KLHDC10: variants seen among roughly 807,000 people sequenced by gnomAD.
KLHDC10 encodes kelch domain containing 10.
Under a neutral mutation model 56.1 loss-of-function variants are expected in KLHDC10, and 24 were observed. The observed-to-expected ratio is 0.43, with a 90% CI of 0.31 to 0.60. KLHDC10 has a LOEUF of 0.60. Among genes scored for constraint, KLHDC10 ranks in the 20% least tolerant of loss-of-function variants. KLHDC10 has a pLI of 0.11. For synonymous variants in KLHDC10, 188 were observed against 207.1 expected, an observed-to-expected ratio of 0.91 and a Z score of 0.79; for missense variants, 349 against 567.0, an observed-to-expected ratio of 0.62 and a Z score of 3.91.
chr7:130,090,496 G>A (rs994975452), intron 1 of KLHDC10, among the ~76,000 whole-genome samples: 1 of 151,906 alleles, frequency 6.6e-6, no homozygotes, highest in Non-Finnish European at 1.5e-5. Context: ...GCTGAGGTAG[G>A]AGGATCGCCT....
chr7:130,089,229 C>T (rs898588518), intron 1 of KLHDC10, among the ~76,000 whole-genome samples: 2 of 152,122 alleles, frequency 1.3e-5, no homozygotes, highest in Admixed American at 6.5e-5. Flanking sequence ...CATGGTGGCT[C>T]ATGTCTGTAA....
chr7:130,072,840 C>G (rs962501122), intron 1 of KLHDC10, among the ~76,000 whole-genome samples: 1 of 151,824 alleles, frequency 6.6e-6, no homozygotes, highest in African/African-American at 2.4e-5. Context: ...CACTGCAACT[C>G]CACTTCCTAG....
At chr7:130,125,128 A>G (rs764713778) in intron 6 of KLHDC10, among the ~76,000 whole-genome samples, 37 of 152,254 alleles carry the variant, frequency 2.4e-4, no homozygotes, top group Non-Finnish European at 3.8e-4. Flanking sequence ...TCTATTATAA[A>G]AATGATACAT....
intron 1 of KLHDC10, among the ~76,000 whole-genome samples, chr7:130,079,178 C>T (rs936916018): frequency 5.9e-5 from 9 of 151,838 alleles, no homozygotes; most frequent in African/African-American, 1.7e-4. Flanking sequence ...CTGGCTCAGC[C>T]TCCCGGGTAG....
chr7:130,084,067 C>T lies in KLHDC10; in HGVS notation c.167-12854C>T, dbSNP rs564511214. 4.6e-5 allele frequency among the ~76,000 whole-genome samples: 7 copies of T among 152,312 alleles called. No individual in the cohort carries two copies. In the South Asian group the frequency reaches 1.2e-3, roughly 27 times the overall value. ...ATCCATATGCCAATAAGTTATGCCACTTTGTAATTTCAGCCCAAATCTCTT... is the reference window on the plus strand; with the variant it reads ...ATCCATATGCCAATAAGTTATGCCATTTTGTAATTTCAGCCCAAATCTCTT... On this transcript the variant is annotated intron_variant, in intron 1 of 9. Transcript: ENST00000335420.
intron 2 of KLHDC10, among the ~76,000 whole-genome samples, chr7:130,113,673 A>G (rs1325066060): frequency 4.6e-5 from 7 of 151,988 alleles, no homozygotes; most frequent in Non-Finnish European, 7.4e-5. Flanking sequence ...GAAATATGAA[A>G]CCGTCTTTTC....
chr7:130,079,026 GT>G (rs1036481033), intron 1 of KLHDC10, among the ~76,000 whole-genome samples: 2 of 151,588 alleles, frequency 1.3e-5, no homozygotes, highest in African/African-American at 4.8e-5. Context: ...AGCTGTTACT[GT>G]TTTTTTAAAG....
chr7:130,116,698 T>C lies in KLHDC10; in HGVS notation c.475+32T>C. On this transcript the variant is annotated intron_variant, in intron 3 of 9. Coordinates refer to ENST00000335420, the MANE Select transcript of KLHDC10 (RefSeq NM_014997.4). This position sits in a 1 kb window ranked among gnomAD's most constrained non-coding sequence, Gnocchi z 4.8. The stretch of plus-strand genomic sequence containing the variant: ...GCAAGCAGTTCGTAACTCCTGACTT[T>C]ATGAAATGTCTGAGAAGCCAGGTTC... The C allele has an allele frequency of 1.3e-6, 2 of 1,538,018 alleles. No individual in the cohort carries two copies. Among genetic ancestry groups the C allele is most frequent in the South Asian group, 1.1e-5 (1 of 89,464 alleles).
At position 130,130,695 on chromosome 7, in the gene KLHDC10, A is replaced by G. The variant is rs763785496; in HGVS notation, c.1278A>G (p.Thr426=). ...AFPNLANLSR[T]QLLHLGLTQG... The stretch of plus-strand genomic sequence containing the variant: ...CTAACCTTGCAAACCTCTCCCGAAC[A>G]CAACTTCTGCACCTTGGACTCACAC... Residue 426 remains threonine (T), a synonymous_variant, in exon 10 of 10, where the codon ACA becomes ACG. Transcript: ENST00000335420. The surrounding 1 kb of genome is among the most constrained non-coding windows in gnomAD (Gnocchi z 4.2). 1 of 1,614,036 alleles carries G rather than the reference A, an allele frequency of 6.2e-7. No individual in the cohort carries two copies. Among genetic ancestry groups the G allele is most frequent in the African/African-American group, 1.3e-5 (1 of 74,898 alleles).
intron 2 of KLHDC10, among the ~76,000 whole-genome samples, chr7:130,108,512 A>G (rs1796049135): frequency 6.7e-6 from 1 of 148,376 alleles, no homozygotes; most frequent in Admixed American, 6.8e-5. Flanking sequence ...CCGCCTCAAG[A>G]CCAGCCTGGG....
At chr7:130,098,654 C>T (rs1490065777) in intron 2 of KLHDC10, among the ~76,000 whole-genome samples, 1 of 151,692 alleles carries the variant, frequency 6.6e-6, no homozygotes, top group Non-Finnish European at 1.5e-5. Flanking sequence ...CTGAATAAAG[C>T]ATAAATTAAA....
intron 2 of KLHDC10, among the ~76,000 whole-genome samples, chr7:130,113,334 C>CTT (rs112573281): frequency 6.6e-4 from 95 of 144,734 alleles, no homozygotes; most frequent in South Asian, 1.1e-3. Context: ...CCAATAGTAA[C>CTT]TTTTTTTTTT....
At chr7:130,090,832 G>A (rs1179549926) in intron 1 of KLHDC10, among the ~76,000 whole-genome samples, 3 of 151,210 alleles carry the variant, frequency 2.0e-5, no homozygotes, top group Admixed American at 1.3e-4. Context: ...TGTTAGATTC[G>A]TGTGGCCACC....
intron 1 of KLHDC10, among the ~76,000 whole-genome samples, chr7:130,075,671 G>A (rs1795488019): frequency 6.6e-6 from 1 of 152,078 alleles, no homozygotes; most frequent in Admixed American, 6.6e-5. Context: ...CTTTCTTTAG[G>A]ATAAATTTGT....
At chr7:130,101,365 G>A (rs543703293) in intron 2 of KLHDC10, among the ~76,000 whole-genome samples, 4 of 152,302 alleles carry the variant, frequency 2.6e-5, no homozygotes, top group Non-Finnish European at 5.9e-5. Context: ...AGAATAAAAT[G>A]CAACCCAGAA....
intron 1 of KLHDC10, among the ~76,000 whole-genome samples, chr7:130,080,307 G>A (rs180904814): frequency 1.4e-4 from 22 of 152,196 alleles, no homozygotes; most frequent in Non-Finnish European, 2.9e-4. Flanking sequence ...TAAAGGTTTT[G>A]TGGAATTCCC....
intron 2 of KLHDC10, among the ~76,000 whole-genome samples, chr7:130,105,220 A>G (rs2116883204): frequency 6.6e-6 from 1 of 152,366 alleles, no homozygotes; most frequent in African/African-American, 2.4e-5. Context: ...GTGAAGATTT[A>G]CATACATTAA....
At chr7:130,107,171 AT>A (rs1423925790) in intron 2 of KLHDC10, among the ~76,000 whole-genome samples, 1 of 152,226 alleles carries the variant, frequency 6.6e-6, no homozygotes, top group Non-Finnish European at 1.5e-5. Flanking sequence ...CAGTGTCCTC[AT>A]TAAAGTAAAA....
At chr7:130,101,857 C>T (rs1355184291) in intron 2 of KLHDC10, among the ~76,000 whole-genome samples, 2 of 150,836 alleles carry the variant, frequency 1.3e-5, no homozygotes, top group African/African-American at 4.9e-5. Flanking sequence ...GTAGTCCCAG[C>T]TACTTGGGAG....
Sources: gnomAD v4.1 joint callset for allele counts (sites outside exome capture counted in the v4.1 genomes callset) on GRCh38, gnomAD v4.1.1 for gene constraint, Gnocchi (gnomAD v3.1) non-coding constraint, MANE v1.5 for transcripts, NCBI Gene and HGNC (gene_info 2026-07-23, HGNC 2026-07-21) for gene names.